The following HS3ST4 variants were observed in gnomAD, a reference collection of about 807,000 sequenced individuals.
HS3ST4 encodes heparan sulfate-glucosamine 3-sulfotransferase 4, also known as heparan sulfate glucosamine 3-O-sulfotransferase 4.
HS3ST4 carries 17 observed loss-of-function variants against 29.2 expected under a neutral mutation model. The observed-to-expected ratio is 0.58, with a 90% CI of 0.40 to 0.87. HS3ST4 has a LOEUF of 0.87. HS3ST4 is among the 40% of genes least tolerant of loss of function. The pLI is 0.00. For missense variants in HS3ST4, 627 were observed against 634.5 expected, an observed-to-expected ratio of 0.99 and a Z score of 0.13; for synonymous variants, 314 against 285.7, an observed-to-expected ratio of 1.10 and a Z score of -1.00.
chr16:25,882,905 C>T (rs560015398), intron 1 of HS3ST4, among the ~76,000 whole-genome samples: 1 of 152,186 alleles, frequency 6.6e-6, no homozygotes, highest in Non-Finnish European at 1.5e-5. Flanking sequence ...GCTTCTTCCT[C>T]TCATCTCACC....
At chr16:25,865,237 A>G (rs1469171855) in intron 1 of HS3ST4, among the ~76,000 whole-genome samples, 1 of 152,196 alleles carries the variant, frequency 6.6e-6, no homozygotes, top group Admixed American at 6.5e-5. Flanking sequence ...ACTTTTTTCC[A>G]TAATGGCTGT....
At chr16:26,073,782 A>G (rs1251230807) in intron 1 of HS3ST4, among the ~76,000 whole-genome samples, 8 of 152,204 alleles carry the variant, frequency 5.3e-5, no homozygotes, top group African/African-American at 1.9e-4. Flanking sequence ...ATATGGTACC[A>G]AATATCCTGG....
chr16:25,812,404 A>G (rs1441369685), intron 1 of HS3ST4, among the ~76,000 whole-genome samples: 3 of 152,130 alleles, frequency 2.0e-5, no homozygotes, highest in Non-Finnish European at 4.4e-5. Context: ...CAGCAACTCT[A>G]TCTTCTCTGC....
intron 1 of HS3ST4, among the ~76,000 whole-genome samples, chr16:25,834,507 CA>C (rs1358499718): frequency 6.6e-6 from 1 of 152,108 alleles, no homozygotes; most frequent in Non-Finnish European, 1.5e-5. Context: ...GGTGGTATGA[CA>C]AAATCAATGT....
Position 25,693,084 on chromosome 16 carries a change from G to T in HS3ST4, c.667G>T (p.Val223Leu), listed in dbSNP as rs1419796848. 1.9e-6 allele frequency: 3 copies of T among 1,608,834 alleles called. No homozygotes were observed. Among genetic ancestry groups the T allele is most frequent in the Non-Finnish European group, 2.5e-6 (3 of 1,177,926 alleles). ...GGAGGCGATCCGCGTGCACCCGGAC[G>T]TGCGGGCGGTGGGCGTAGAGCCGCA... Reference protein sequence around the residue: ...LLEAIRVHPDVRAVGVEPHFF... With the variant: ...LLEAIRVHPDLRAVGVEPHFF... Residue 223 changes from valine (V) to leucine (L), a missense_variant, in exon 1 of 2, where the codon GTG (valine) becomes TTG (leucine). Val to Leu is a conservative substitution (Grantham distance 32, BLOSUM62 1). Around this residue, in one of 2 missense-constraint regions of HS3ST4, gnomAD observed 402 missense variants for 340.8 expected, o/e 1.18. Transcript: ENST00000331351.
At chr16:26,098,518 G>T (rs1343533300) in intron 1 of HS3ST4, among the ~76,000 whole-genome samples, 1 of 152,074 alleles carries the variant, frequency 6.6e-6, no homozygotes, top group African/African-American at 2.4e-5. Flanking sequence ...CTCACTCATG[G>T]GTGGGAACTG....
At chr16:25,978,984 A>T (rs8062571) in intron 1 of HS3ST4, among the ~76,000 whole-genome samples, 1 of 146,272 alleles carries the variant, frequency 6.8e-6, no homozygotes, top group Non-Finnish European at 1.5e-5. Flanking sequence ...TGCAACCTCC[A>T]CCTCCCGGGT....
intron 1 of HS3ST4, among the ~76,000 whole-genome samples, chr16:25,873,260 ATCCATCCATTT>A (rs1967775536): frequency 6.6e-6 from 1 of 151,380 alleles, no homozygotes. Context: ...CAAGCCATCC[ATCCATCCATTT>A]GTCCATTCAT....
At chr16:26,082,330 C>T (rs942756477) in intron 1 of HS3ST4, among the ~76,000 whole-genome samples, 28 of 152,200 alleles carry the variant, frequency 1.8e-4, no homozygotes, top group Middle Eastern at 3.2e-3. Flanking sequence ...GGCTTGCTGC[C>T]TTTACCCTCT....
chr16:25,820,809 G>T lies in HS3ST4; in HGVS notation c.734+127658G>T, dbSNP rs966476873. ...TTATCTTGAGCTCCTAGGCTCAAGTGATCTTCCTGCCTTGGCCTCCCAAAG... is the reference window on the plus strand; with the variant it reads ...TTATCTTGAGCTCCTAGGCTCAAGTTATCTTCCTGCCTTGGCCTCCCAAAG... On this transcript the variant is annotated intron_variant, in intron 1 of 1. Transcript: ENST00000331351. Among the ~76,000 whole-genome samples, 3 of 151,946 alleles carry T rather than the reference G, an allele frequency of 2.0e-5. No individual in the cohort carries two copies. The East Asian group carries it at 5.8e-4, about 30-fold the overall frequency.
At chr16:26,029,863 A>T (rs968382875) in intron 1 of HS3ST4, among the ~76,000 whole-genome samples, 8 of 152,244 alleles carry the variant, frequency 5.3e-5, no homozygotes. Context: ...GAAGTGAGTT[A>T]TCCACTGGTT....
Position 25,716,853 on chromosome 16 carries a change from A to C in HS3ST4, c.734+23702A>C, listed in dbSNP as rs1596551618. ...CGGATCACCTGAAGTTGGGAGTTTGAGACCAGCCTGGCCAACATGGTGAAA... is the reference window on the plus strand; with the variant it reads ...CGGATCACCTGAAGTTGGGAGTTTGCGACCAGCCTGGCCAACATGGTGAAA... On this transcript the variant is annotated intron_variant, in intron 1 of 1. Transcript: ENST00000331351. Among the ~76,000 whole-genome samples, 4 of 152,326 alleles carry C rather than the reference A, an allele frequency of 2.6e-5. No individual in the cohort carries two copies. In the South Asian group the frequency reaches 8.3e-4, roughly 32 times the overall value.
chr16:25,881,142 T>C (rs148092856), intron 1 of HS3ST4, among the ~76,000 whole-genome samples: 48 of 152,152 alleles, frequency 3.2e-4, no homozygotes, highest in African/African-American at 1.2e-3. Context: ...AAAAAATAAA[T>C]AAACAAGAAT....
intron 1 of HS3ST4, among the ~76,000 whole-genome samples, chr16:26,124,805 T>A (rs72640492): frequency 0.22 from 32,978 of 152,194 alleles, 3,844 homozygotes; most frequent in East Asian, 0.38. Context: ...ATGAGGAACT[T>A]CAAAGTCCTC....
chr16:26,021,663 T>C (rs995624581), intron 1 of HS3ST4, among the ~76,000 whole-genome samples: 4 of 151,324 alleles, frequency 2.6e-5, no homozygotes, highest in Admixed American at 6.6e-5. Context: ...AGTTCTATTA[T>C]TATTATTATT....
In HS3ST4 at chr16:26,048,095, C is replaced by A. The variant is rs1166685374; in HGVS notation, c.735-87517C>A. On this transcript the variant is annotated intron_variant, in intron 1 of 1. Transcript: ENST00000331351. ...CCAGGCTGTTAGATGGCTGCTTTATCCTTGTGTCTTTCCATCCTCTTCCCT... is the reference window on the plus strand; with the variant it reads ...CCAGGCTGTTAGATGGCTGCTTTATACTTGTGTCTTTCCATCCTCTTCCCT... Among the ~76,000 whole-genome samples the A allele has an allele frequency of 2.0e-5, 3 of 152,146 alleles. No individual in the cohort carries two copies. The East Asian group carries it at 5.8e-4, about 29-fold the overall frequency.
chr16:26,065,262 G>A (rs1898528613), intron 1 of HS3ST4, among the ~76,000 whole-genome samples: 1 of 152,168 alleles, frequency 6.6e-6, no homozygotes, highest in Admixed American at 6.5e-5. Flanking sequence ...AGAAAATGTG[G>A]TACATATACA....
chr16:25,697,440 A>G (rs1406322270), intron 1 of HS3ST4, among the ~76,000 whole-genome samples: 1 of 152,248 alleles, frequency 6.6e-6, no homozygotes, highest in African/African-American at 2.4e-5. Context: ...AAATTACTCA[A>G]TAATAATTTT....
At chr16:25,919,829 G>A (rs1421261200) in intron 1 of HS3ST4, among the ~76,000 whole-genome samples, 2 of 152,194 alleles carry the variant, frequency 1.3e-5, no homozygotes, top group Non-Finnish European at 2.9e-5. Context: ...TGCTAGAGGA[G>A]TGATAAGGAA....
Sources: gnomAD v4.1 joint callset for allele counts (sites outside exome capture counted in the v4.1 genomes callset) on GRCh38, gnomAD v4.1.1 for gene constraint, gnomAD v4.1.1 regional missense constraint, MANE v1.5 for transcripts, NCBI Gene and HGNC (gene_info 2026-07-23, HGNC 2026-07-21) for gene names.